The following JAKMIP3 variants were observed in gnomAD, a reference collection of about 807,000 sequenced individuals.
The protein encoded by JAKMIP3 is Janus kinase and microtubule interacting protein 3.
In JAKMIP3, 58 loss-of-function variants were observed where a neutral mutation model predicts 118.5. That is an observed-to-expected ratio of 0.49 (90% CI 0.40 to 0.61). JAKMIP3 has a LOEUF of 0.61. Ranked by LOEUF, JAKMIP3 falls within the 20% of genes least tolerant of loss-of-function variation. JAKMIP3 has a pLI of 0.00. For synonymous variants in JAKMIP3, 486 were observed against 451.2 expected (o/e 1.08, Z -0.98); for missense variants, 950 against 1,109.0 (o/e 0.86, Z 2.04).
intron 23 of JAKMIP3, among the ~76,000 whole-genome samples, chr10:132,174,369 C>T (rs2059950398): frequency 1.3e-5 from 2 of 152,092 alleles, no homozygotes; most frequent in Admixed American, 1.3e-4. Flanking sequence ...GTTCCTTGTG[C>T]TGTGTGGCTC....
At chr10:132,159,319 A>AGG (rs2057547962) in intron 19 of JAKMIP3, among the ~76,000 whole-genome samples, 2 of 46,614 alleles carry the variant, frequency 4.3e-5, no homozygotes, top group African/African-American at 9.0e-5. Flanking sequence ...TGTGATGCTG[A>AGG]GGGCGCCTCT....
At chr10:132,111,538 C>T (rs184161318) in intron 2 of JAKMIP3, among the ~76,000 whole-genome samples, 4 of 151,908 alleles carry the variant, frequency 2.6e-5, no homozygotes, top group South Asian at 2.1e-4. Context: ...GGGGGCCATG[C>T]GGGTGTGGGG....
In JAKMIP3 at chr10:132,079,198, C is replaced by T. The variant is rs572061334; in HGVS notation, c.-138+13137C>T. On this transcript the variant is annotated intron_variant, in intron 1 of 23. Coordinates refer to ENST00000684848, the MANE Select transcript of JAKMIP3 (RefSeq NM_001323087.2). ...TGGGGTCTGTGGACCCCGGTAGCCT[C>T]GCTTCTGGTGGTGGGATCTGCATTT... Among the ~76,000 whole-genome samples the T allele has an allele frequency of 1.2e-3, 157 of 135,598 alleles. 2 individuals are homozygous for T. The highest frequency in any genetic ancestry group is 4.6e-3 in the African/African-American group (151 of 32,478). The allele number at this position is 135,598 out of a possible 152,430, so 89.0% of individuals were successfully genotyped here. A position where few individuals can be genotyped will look rare whatever the true frequency, so the allele number is the denominator to read the frequency against.
intron 3 of JAKMIP3, among the ~76,000 whole-genome samples, chr10:132,128,025 T>C (rs1467322243): frequency 6.6e-6 from 1 of 152,216 alleles, no homozygotes; most frequent in Non-Finnish European, 1.5e-5. Flanking sequence ...TATATTTATA[T>C]CTTTACAATT....
intron 2 of JAKMIP3, among the ~76,000 whole-genome samples, chr10:132,110,463 T>C (rs1298074437): frequency 1.3e-5 from 2 of 152,262 alleles, no homozygotes; most frequent in Non-Finnish European, 2.9e-5. Flanking sequence ...TCCGTTTACA[T>C]TGAACAGCCG....
At chr10:132,155,308 A>G (rs2056961257) in intron 19 of JAKMIP3, among the ~76,000 whole-genome samples, 1 of 152,154 alleles carries the variant, frequency 6.6e-6, no homozygotes, top group African/African-American at 2.4e-5. Flanking sequence ...TGTGGCAGGC[A>G]CTGGTCTGGC....
chr10:132,146,148 C>T (rs1300285846), intron 13 of JAKMIP3, among the ~76,000 whole-genome samples: 1 of 142,736 alleles, frequency 7.0e-6, no homozygotes, highest in Non-Finnish European at 1.5e-5. Context: ...CCCACCCCCA[C>T]CCCCACCCTG....
intron 23 of JAKMIP3, among the ~76,000 whole-genome samples, chr10:132,169,584 GC>G (rs1362465370): frequency 6.0e-4 from 91 of 152,172 alleles, no homozygotes; most frequent in African/African-American, 2.1e-3. Flanking sequence ...GTGGGACTCA[GC>G]GGGGCCCTGG....
chr10:132,140,937 C>G (rs2053391462), intron 10 of JAKMIP3, among the ~76,000 whole-genome samples: 1 of 152,210 alleles, frequency 6.6e-6, no homozygotes, highest in South Asian at 2.1e-4. Context: ...AGGGTCTGAA[C>G]CACTCATCAG....
In JAKMIP3 at chr10:132,095,443, G is replaced by A. The variant is rs550974835; in HGVS notation, c.-137-9229G>A. On this transcript the variant is annotated intron_variant, in intron 1 of 23. Transcript: ENST00000684848. ...TGTATTTCGCTCGACTCAGCTCCAG[G>A]TGAGCTCAGAATCTTCTCCCGTGAT... Among the ~76,000 whole-genome samples, 4 of 152,282 alleles carry A rather than the reference G, an allele frequency of 2.6e-5. No homozygotes were observed. In the East Asian group the frequency reaches 7.7e-4, roughly 29 times the overall value.
chr10:132,180,657 G>C (rs1342881122), intron 23 of JAKMIP3, among the ~76,000 whole-genome samples: 2 of 25,866 alleles, frequency 7.7e-5, no homozygotes, highest in South Asian at 1.6e-3. Flanking sequence ...GTGTGCGTGT[G>C]CGTGTGTGCG....
At chr10:132,092,135 C>T (rs2134438897) in intron 1 of JAKMIP3, among the ~76,000 whole-genome samples, 1 of 152,288 alleles carries the variant, frequency 6.6e-6, no homozygotes. Context: ...CCGAGAGATC[C>T]ACTGTTAGTC....
chr10:132,090,375 C>A lies in JAKMIP3; in HGVS notation c.-137-14297C>A, dbSNP rs2042946567. Among the ~76,000 whole-genome samples, 3 of 152,138 alleles carry A rather than the reference C, an allele frequency of 2.0e-5. No homozygotes were observed. The South Asian group carries it at 6.2e-4, about 32-fold the overall frequency. On this transcript the variant is annotated intron_variant, in intron 1 of 23. Transcript: ENST00000684848. Reference sequence around the variant, plus strand: ...TTGGTTGGTAAGCTATTAATTATTGCCTCAATTTCAGAGCCTGTTATTGGT... The same window carrying A: ...TTGGTTGGTAAGCTATTAATTATTGACTCAATTTCAGAGCCTGTTATTGGT...
chr10:132,094,164 T>C (rs2043521222), intron 1 of JAKMIP3, among the ~76,000 whole-genome samples: 1 of 152,056 alleles, frequency 6.6e-6, no homozygotes. Context: ...TCCTGACTTG[T>C]ATCACTTTTT....
intron 2 of JAKMIP3, among the ~76,000 whole-genome samples, chr10:132,113,824 T>G (rs1196628708): frequency 6.6e-6 from 1 of 152,232 alleles, no homozygotes; most frequent in Non-Finnish European, 1.5e-5. Context: ...CTGGCACCAT[T>G]CACGTAAAAA....
chr10:132,128,192 A>G (rs1251812903), intron 3 of JAKMIP3, among the ~76,000 whole-genome samples: 1 of 152,120 alleles, frequency 6.6e-6, no homozygotes, highest in Non-Finnish European at 1.5e-5. Flanking sequence ...GAACTCTCAC[A>G]TTGTCAGGCG....
At chr10:132,154,069 G>A in intron 19 of JAKMIP3, 79 bp downstream of exon 19, 1 of 1,309,262 alleles carries the variant, frequency 7.6e-7, no homozygotes, top group Non-Finnish European at 1.1e-6. Flanking sequence ...GCCCAGCAGT[G>A]CCTCAGGTGC....
At chr10:132,057,925 A>T (rs2038286423) in intron 1 of JAKMIP3, among the ~76,000 whole-genome samples, 1 of 152,216 alleles carries the variant, frequency 6.6e-6, no homozygotes. Context: ...GTGCGTACGA[A>T]GTGGAGACAG....
chr10:132,046,471 A>AAC (rs2037921143), intron 1 of JAKMIP3, among the ~76,000 whole-genome samples: 1 of 148,904 alleles, frequency 6.7e-6, no homozygotes, highest in East Asian at 2.1e-4. Flanking sequence ...GAAAAAAAAA[A>AAC]CAACCATCCA....
Sources: gnomAD v4.1 joint callset for allele counts (sites outside exome capture counted in the v4.1 genomes callset) on GRCh38, gnomAD v4.1.1 for gene constraint, MANE v1.5 for transcripts, NCBI Gene and HGNC (gene_info 2026-07-23, HGNC 2026-07-21) for gene names.